Variants in RGPD2 observed in about 807,000 individuals in gnomAD.
RGPD2 encodes RANBP2 like and GRIP domain containing 2.
RGPD2 carries 2 observed loss-of-function variants against 36.0 expected under a neutral mutation model. The ratio of observed to expected loss-of-function variants is 0.06; its 90% CI spans 0.02 to 0.17. The LOEUF is 0.17. Ranked by LOEUF, RGPD2 falls within the 10% of genes least tolerant of loss-of-function variation. RGPD2 has a pLI of 1.00. For synonymous variants in RGPD2, 19 were observed against 163.8 expected (o/e 0.12, Z 6.75); for missense variants, 40 against 464.3 (o/e 0.09, Z 8.40).
At chr2:87,894,723 T>C in the RGPD2 span, among the ~76,000 whole-genome samples, 2 of 143,200 alleles carry the variant, frequency 1.4e-5, no homozygotes, top group Non-Finnish European at 3.1e-5. Context: ...CGTATACTCA[T>C]ACCTCCTTTC....
At chr2:87,876,274 G>C in the RGPD2 span, among the ~76,000 whole-genome samples, 4 of 144,082 alleles carry the variant, frequency 2.8e-5, no homozygotes, top group Non-Finnish European at 6.0e-5. Flanking sequence ...TTTGGGGTTT[G>C]TTTGCTCTTG....
At chr2:87,944,051 T>G in the RGPD2 span, among the ~76,000 whole-genome samples, 1 of 151,578 alleles carries the variant, frequency 6.6e-6, no homozygotes, top group Non-Finnish European at 1.5e-5. Flanking sequence ...GACAAGCTTT[T>G]GGCAGACATT....
At chr2:87,914,666 T>C in the RGPD2 span, among the ~76,000 whole-genome samples, 1 of 128,462 alleles carries the variant, frequency 7.8e-6, no homozygotes, top group Admixed American at 7.8e-5. Flanking sequence ...TATCCAGTAG[T>C]TTCTTCTCTA....
At chr2:87,915,469 G>A in the RGPD2 span, among the ~76,000 whole-genome samples, 1 of 133,410 alleles carries the variant, frequency 7.5e-6, no homozygotes, top group South Asian at 2.2e-4. Context: ...ACATATATGT[G>A]TATGTATATA....
the RGPD2 span, among the ~76,000 whole-genome samples, chr2:87,842,428 A>T: frequency 2.0e-5 from 3 of 150,124 alleles, no homozygotes; most frequent in Non-Finnish European, 2.9e-5. Context: ...AGATAAACAG[A>T]GAGCCAAATC....
chr2:87,879,063 C>T, the RGPD2 span, among the ~76,000 whole-genome samples: 6 of 152,166 alleles, frequency 3.9e-5, no homozygotes, highest in African/African-American at 1.2e-4. Context: ...ATACCTTTGC[C>T]ATACCGATTT....
At chr2:87,988,785 C>A in the RGPD2 span, among the ~76,000 whole-genome samples, 1 of 151,846 alleles carries the variant, frequency 6.6e-6, no homozygotes. Context: ...AAGCGATCCA[C>A]CTGCCTCAGT....
chr2:87,809,213 G>A (rs1166023432), intron 6 of RGPD2, among the ~76,000 whole-genome samples: 8 of 151,016 alleles, frequency 5.3e-5, no homozygotes, highest in African/African-American at 7.2e-5. Context: ...GCTGAGGCAG[G>A]AGAATGGCGT....
the RGPD2 span, among the ~76,000 whole-genome samples, chr2:87,963,821 T>TTTTC: frequency 4.4e-5 from 5 of 114,844 alleles, no homozygotes; most frequent in East Asian, 1.1e-3. Context: ...GAGAACCTTC[T>TTTTC]TTTCTTTCTT....
the RGPD2 span, among the ~76,000 whole-genome samples, chr2:87,878,184 C>G: frequency 5.3e-5 from 8 of 152,260 alleles, no homozygotes; most frequent in African/African-American, 1.9e-4. Flanking sequence ...GATTTGGTCT[C>G]TTTACATAAC....
the RGPD2 span, chr2:87,972,728 C>T: frequency 1.6e-5 from 25 of 1,610,422 alleles, no homozygotes; most frequent in Non-Finnish European, 1.9e-5. Flanking sequence ...ACAGCAGCTT[C>T]GAGAGCTGTG....
At chr2:87,876,485 A>G in the RGPD2 span, among the ~76,000 whole-genome samples, 3 of 152,262 alleles carry the variant, frequency 2.0e-5, no homozygotes, top group Non-Finnish European at 4.4e-5. Flanking sequence ...TTTATTATTT[A>G]CCCAAGAGTC....
At chr2:87,974,938 T>A in the RGPD2 span, among the ~76,000 whole-genome samples, 41 of 152,174 alleles carry the variant, frequency 2.7e-4, no homozygotes, top group African/African-American at 9.9e-4. Context: ...GAGGATCCTG[T>A]CCCTCCTCTG....
At chr2:87,972,152 TG>T in the RGPD2 span, among the ~76,000 whole-genome samples, 2 of 152,114 alleles carry the variant, frequency 1.3e-5, no homozygotes, top group African/African-American at 4.8e-5. Context: ...TGGTCAGCAA[TG>T]AAAGCAGTGA....
chr2:87,962,288 T>C, the RGPD2 span, among the ~76,000 whole-genome samples: 2 of 152,194 alleles, frequency 1.3e-5, no homozygotes, highest in African/African-American at 4.8e-5. Flanking sequence ...ATTACAGTCT[T>C]ATGTGGACAA....
the RGPD2 span, among the ~76,000 whole-genome samples, chr2:87,943,393 A>G: frequency 6.6e-6 from 1 of 151,400 alleles, no homozygotes; most frequent in Non-Finnish European, 1.5e-5. Flanking sequence ...GGCCACTTGT[A>G]TTTTTTTGAA....
intron 22 of RGPD2, among the ~76,000 whole-genome samples, chr2:87,771,883 G>C (rs1355871364): frequency 6.6e-6 from 1 of 151,470 alleles, no homozygotes; most frequent in Non-Finnish European, 1.5e-5. Flanking sequence ...ACGTTCAGCT[G>C]AACACCAGAA....
chr2:87,844,578 T>G, the RGPD2 span, among the ~76,000 whole-genome samples: 4 of 151,078 alleles, frequency 2.6e-5, no homozygotes, highest in African/African-American at 9.7e-5. Flanking sequence ...ACAGAATAAT[T>G]TTTATGTTTC....
At chr2:87,826,274 CCTGTTA>C (rs1285917176), upstream of RGPD2, among the ~76,000 whole-genome samples, 1 of 149,258 alleles carries the variant, frequency 6.7e-6, no homozygotes, top group Admixed American at 6.7e-5. Flanking sequence ...ATAGCTGATT[CCTGTTA>C]CTGTATCTGC....
Sources: gnomAD v4.1 joint callset for allele counts (sites outside exome capture counted in the v4.1 genomes callset) on GRCh38, gnomAD v4.1.1 for gene constraint, MANE v1.5 for transcripts, NCBI Gene and HGNC (gene_info 2026-07-23, HGNC 2026-07-21) for gene names.